The following BIRC6 variants were observed in gnomAD, a reference collection of about 807,000 sequenced individuals.
BIRC6 encodes dual E2 ubiquitin-conjugating enzyme/E3 ubiquitin-protein ligase BIRC6.
Under a neutral mutation model 503.3 loss-of-function variants are expected in BIRC6, and 98 were observed. That is an observed-to-expected ratio of 0.19 (90% CI 0.17 to 0.23). The LOEUF (loss-of-function observed/expected upper bound fraction) is 0.23, where lower values mean the gene tolerates loss of function less well. BIRC6 is among the 10% of genes least tolerant of loss of function. The pLI is 1.00. For synonymous variants in BIRC6, 2,240 were observed against 2,078.7 expected (o/e 1.08, Z -2.11); for missense variants, 5,360 against 5,806.0 (o/e 0.92, Z 2.50).
chr2:32,478,607 G>A (rs756809857), intron 35 of BIRC6, 28 bp from the exon 36 acceptor site: 574 of 1,583,600 alleles, frequency 3.6e-4, no homozygotes, highest in Non-Finnish European at 4.6e-4. Flanking sequence ...TGCTATTTAA[G>A]TGTATGATTT....
At chr2:32,451,232 C>T (rs1345669230) in intron 22 of BIRC6, among the ~76,000 whole-genome samples, 1 of 152,182 alleles carries the variant, frequency 6.6e-6, no homozygotes, top group Non-Finnish European at 1.5e-5. Context: ...GTTTCTAATA[C>T]AGCATATAAA....
rs1319406033 is a variant in BIRC6 at position 32,479,569 on chromosome 2, G to T, written c.7360G>T (p.Val2454Phe). ...DSDDSLQQSS[V>F]QLLETIDEPL... ...TGATGACTCCCTTCAACAGTCCTCA[G>T]TTCAGTTGCTGGAAACTATAGATGA... Residue 2454 changes from valine to phenylalanine, a missense_variant, in exon 37 of 74, where the codon GTT (valine) becomes TTT (phenylalanine). Coordinates refer to ENST00000421745, the MANE Select transcript of BIRC6 (RefSeq NM_016252.4). 3 of 1,609,686 alleles carry T rather than the reference G, an allele frequency of 1.9e-6. No homozygotes were observed. Among genetic ancestry groups the T allele is most frequent in the Admixed American group, 3.4e-5 (2 of 59,530 alleles).
At chr2:32,392,297 A>G in intron 5 of BIRC6, 147 bp downstream of exon 5, 1 of 604,040 alleles carries the variant, frequency 1.7e-6, no homozygotes, top group Admixed American at 2.9e-5. Context: ...TTTTTGGCCC[A>G]GGCTGGAGTG....
chr2:32,474,546 C>G (rs1430119255), intron 33 of BIRC6, among the ~76,000 whole-genome samples: 2 of 152,142 alleles, frequency 1.3e-5, no homozygotes, highest in African/African-American at 4.8e-5. Context: ...AGTATTACTT[C>G]TCTCATTTTG....
In BIRC6 at chr2:32,415,686, A is replaced by C. The variant is rs758887947; in HGVS notation, c.2395A>C (p.Ile799Leu). The change falls in exon 10 of 74, where the codon ATC becomes CTC. Residue 799 changes from isoleucine (I) to leucine (L), a missense_variant. By Grantham distance (5) the Ile-to-Leu change is conservative. Around this residue, in one of 16 missense-constraint regions of BIRC6, gnomAD observed 700 missense variants for 739.3 expected, o/e 0.95. Coordinates refer to ENST00000421745, the MANE Select transcript of BIRC6 (RefSeq NM_016252.4). ...AVVNGANISV[I>L]QHESPADVQT... The stretch of plus-strand genomic sequence containing the variant: ...AGTGAATGGTGCAAATATTAGTGTA[A>C]TCCAACATGAATCACCAGCAGATGT... The C allele has an allele frequency of 3.3e-5, 54 of 1,613,804 alleles. No homozygotes were observed. The highest frequency in any genetic ancestry group is 1.0e-4 in the Admixed American group (6 of 59,998).
chr2:32,491,431 C>G lies in BIRC6; in HGVS notation c.8213C>G (p.Ser2738Cys), dbSNP rs755205128. The change falls in exon 44 of 74, where the codon TCC (serine) becomes TGC (cysteine). Residue 2738 changes from serine to cysteine, a missense_variant. Around this residue, in one of 16 missense-constraint regions of BIRC6, gnomAD observed 2,299 missense variants for 2,267.2 expected, o/e 1.01. Transcript: ENST00000421745. ...LMTNMQLNSG[S>C]SSAIGTQEST... ...TTTAAAAAATGTTTTATAGCTGGTT[C>G]CAGCAGTGCCATTGGAACTCAGGAG... The G allele has an allele frequency of 6.2e-7, 1 of 1,606,766 alleles. No homozygotes were observed. Among genetic ancestry groups the G allele is most frequent in the Non-Finnish European group, 8.5e-7 (1 of 1,177,432 alleles).
At chr2:32,390,108 C>T (rs970053147) in intron 4 of BIRC6, among the ~76,000 whole-genome samples, 2 of 152,120 alleles carry the variant, frequency 1.3e-5, no homozygotes, top group Non-Finnish European at 2.9e-5. Flanking sequence ...GATCTACCTG[C>T]CTTGGCCTCC....
At chr2:32,412,219 C>T (rs573776305) in intron 9 of BIRC6, among the ~76,000 whole-genome samples, 2 of 152,292 alleles carry the variant, frequency 1.3e-5, no homozygotes, top group Middle Eastern at 3.4e-3. Context: ...AAAAGGTCAG[C>T]AGGGCATGGT....
rs755972507 is a variant in BIRC6, at chr2:32,499,737, G to A, written c.8659G>A (p.Val2887Met). ...GTCAAGAAGTGGATCAGATAGCTCC[G>A]TGGGTGCTCGAGCATGCTTTGGGGG... Reference protein sequence around the residue: ...VMSRSGSDSSVGARACFGGLF... With the variant: ...VMSRSGSDSSMGARACFGGLF... Residue 2887 changes from valine to methionine, a missense_variant, in exon 46 of 74, where the codon GTG becomes ATG. Transcript: ENST00000421745. 5.0e-6 allele frequency: 8 copies of A among 1,613,850 alleles called. No individual in the cohort carries two copies. The highest frequency in any genetic ancestry group is 1.1e-5 in the South Asian group (1 of 91,088).
At chr2:32,532,665 A>G (rs1173711113) in intron 61 of BIRC6, among the ~76,000 whole-genome samples, 2 of 152,176 alleles carry the variant, frequency 1.3e-5, no homozygotes, top group Non-Finnish European at 2.9e-5. Context: ...ATACTTATTC[A>G]TGTTATTGCT....
intron 23 of BIRC6, among the ~76,000 whole-genome samples, chr2:32,454,670 G>T (rs975258932): frequency 3.9e-5 from 6 of 152,152 alleles, no homozygotes; most frequent in Admixed American, 2.0e-4. Flanking sequence ...TACCATCTTA[G>T]TCTCCTCAAC....
In BIRC6 at chr2:32,481,433, C is replaced by G; in HGVS notation, c.7522C>G (p.Leu2508Val). The change falls in exon 38 of 74, where the codon CTT (leucine) becomes GTT (valine). Residue 2508 changes from leucine (L) to valine (V), a missense_variant. Leu to Val is a conservative substitution (Grantham distance 32, BLOSUM62 1). Transcript: ENST00000421745. ...AGATATTGATTTGGAAAAGGACCCTCTTGCAGCCAAGGTTTTTAAGGTATG... is the reference window on the plus strand; with the variant it reads ...AGATATTGATTTGGAAAAGGACCCTGTTGCAGCCAAGGTTTTTAAGGTATG... ...PLDIDLEKDP[L>V]AAKVFKPISS... 3.1e-6 allele frequency: 5 copies of G among 1,611,700 alleles called. No homozygotes were observed. The East Asian group carries it at 6.7e-5, about 22-fold the overall frequency.
chr2:32,437,686 A>G (rs947312485), intron 15 of BIRC6, among the ~76,000 whole-genome samples: 1 of 152,208 alleles, frequency 6.6e-6, no homozygotes, highest in Admixed American at 6.5e-5. Flanking sequence ...AAATGTTCCA[A>G]TGAGCATTTC....
chr2:32,607,429 A>G, intron 71 of BIRC6, 26 bp from the exon 72 acceptor site: 11 of 1,443,028 alleles, frequency 7.6e-6, no homozygotes, highest in Non-Finnish European at 9.3e-6. Context: ...GTCCCATCAT[A>G]GCTGTTCTTT....
intron 66 of BIRC6, among the ~76,000 whole-genome samples, chr2:32,577,696 A>C (rs2060355182): frequency 6.6e-6 from 1 of 152,220 alleles, no homozygotes; most frequent in Non-Finnish European, 1.5e-5. Flanking sequence ...TCCTGTTCAC[A>C]TAACACTGTA....
rs536056121 is a variant in BIRC6 at position 32,553,592 on chromosome 2, G to A, written c.13144+4111G>A. ...TTGAGTAAAGACAGGGTTTCACCAC[G>A]TTGGCCAGGCCGGTCTCGAACTCCT... is the stretch of plus-strand genomic sequence containing the variant. On this transcript the variant is annotated intron_variant, in intron 65 of 73. Coordinates refer to ENST00000421745, the MANE Select transcript of BIRC6 (RefSeq NM_016252.4). Among the ~76,000 whole-genome samples, 7 of 151,964 alleles carry A rather than the reference G, an allele frequency of 4.6e-5. No homozygotes were observed. In the East Asian group the frequency reaches 9.7e-4, roughly 21 times the overall value.
intron 45 of BIRC6, among the ~76,000 whole-genome samples, chr2:32,497,358 C>T (rs1436931431): frequency 6.6e-6 from 1 of 152,088 alleles, no homozygotes; most frequent in African/African-American, 2.4e-5. Context: ...AGGTAGACAC[C>T]CTTGGTCATA....
At chr2:32,513,298 T>G in intron 54 of BIRC6, 144 bp downstream of exon 54, 1 of 643,908 alleles carries the variant, frequency 1.6e-6, no homozygotes, top group Non-Finnish European at 2.6e-6. Flanking sequence ...ACTTTTGAAA[T>G]GAATTGTCAA....
At chr2:32,449,372 A>C (rs2046427965) in intron 22 of BIRC6, among the ~76,000 whole-genome samples, 1 of 152,118 alleles carries the variant, frequency 6.6e-6, no homozygotes. Context: ...TGCATCTGTC[A>C]CTTTCTTGAG....
Sources: allele counts gnomAD v4.1 joint callset (sites outside exome capture counted in the v4.1 genomes callset), GRCh38; gene constraint gnomAD v4.1.1; regional missense constraint gnomAD v4.1.1; transcripts MANE v1.5; gene names NCBI Gene and HGNC (gene_info 2026-07-23, HGNC 2026-07-21).